The following RCAN2 variants were observed in gnomAD, a reference collection of about 807,000 sequenced individuals.
RCAN2 encodes the protein regulator of calcineurin 2.
Under a neutral mutation model 23.6 loss-of-function variants are expected in RCAN2, and 9 were observed. The ratio of observed to expected loss-of-function variants is 0.38; its 90% CI spans 0.23 to 0.67. The LOEUF (loss-of-function observed/expected upper bound fraction) is 0.67. Ranked by LOEUF, RCAN2 falls within the 30% of genes least tolerant of loss-of-function variation. The pLI, the probability that RCAN2 is intolerant of heterozygous loss-of-function variation, is 0.51. For missense variants in RCAN2, 273 were observed against 302.3 expected (o/e 0.90, Z 0.72); for synonymous variants, 109 against 115.7 (o/e 0.94, Z 0.37).
intron 2 of RCAN2, among the ~76,000 whole-genome samples, chr6:46,396,213 A>C (rs1766083656): frequency 6.6e-6 from 1 of 152,190 alleles, no homozygotes; most frequent in South Asian, 2.1e-4. Flanking sequence ...AATCATTTTT[A>C]TCGACAAGAG....
In RCAN2 at chr6:46,387,342, C is replaced by T. The variant is rs1447323837; in HGVS notation, c.225+69410G>A. Among the ~76,000 whole-genome samples, 4 of 152,108 alleles carry T rather than the reference C, an allele frequency of 2.6e-5. No homozygotes were observed. In the East Asian group the frequency reaches 7.7e-4, roughly 29 times the overall value. ...CCTACAGAATGGGAGAAAATTTTTG[C>T]AATCTACTCATCTGACAAAGGGCTA... On this transcript the variant is annotated intron_variant, in intron 2 of 4. Transcript: ENST00000371374.
At chr6:46,269,133 T>C (rs1481667768) in intron 2 of RCAN2, among the ~76,000 whole-genome samples, 1 of 152,222 alleles carries the variant, frequency 6.6e-6, no homozygotes, top group African/African-American at 2.4e-5. Flanking sequence ...AATTTCTTCC[T>C]CTCCATTGCT....
intron 1 of RCAN2, among the ~76,000 whole-genome samples, chr6:46,474,546 T>G (rs1352365081): frequency 4.6e-5 from 7 of 152,108 alleles, no homozygotes; most frequent in Non-Finnish European, 1.0e-4. Context: ...TAAGCCGCCA[T>G]CAACAAGGTT....
intron 2 of RCAN2, among the ~76,000 whole-genome samples, chr6:46,357,168 A>C (rs1483410676): frequency 2.0e-5 from 3 of 152,134 alleles, no homozygotes; most frequent in Non-Finnish European, 4.4e-5. Flanking sequence ...GGGTAGAAAA[A>C]TTTGTCCCTC....
intron 2 of RCAN2, among the ~76,000 whole-genome samples, chr6:46,284,580 G>A (rs1461069301): frequency 6.6e-6 from 1 of 152,182 alleles, no homozygotes; most frequent in Non-Finnish European, 1.5e-5. Context: ...TGCAGCAAAG[G>A]AGAAACTGAC....
In RCAN2 at chr6:46,233,717, A is replaced by ATTT. The variant is rs1562095035; in HGVS notation, c.572-10417_572-10416insAAA. On this transcript the variant is annotated intron_variant, in intron 4 of 4. Coordinates refer to ENST00000371374, the MANE Select transcript of RCAN2 (RefSeq NM_001251974.2). ...TTTTTCCCTGGCTGAGATGAAGAAC[A>ATTT]CTTCTTTTTTTTTTTTTTTTTTCTT... Among the ~76,000 whole-genome samples the ATTT allele has an allele frequency of 9.6e-5, 12 of 125,470 alleles. No individual in the cohort carries two copies. The South Asian group carries it at 1.1e-3, about 12-fold the overall frequency. The allele number at this position is 125,470 out of a possible 152,430, so 82.3% of individuals were successfully genotyped here.
At chr6:46,342,002 T>C (rs1464237687) in intron 2 of RCAN2, among the ~76,000 whole-genome samples, 1 of 126,306 alleles carries the variant, frequency 7.9e-6, no homozygotes, top group Non-Finnish European at 1.8e-5. Context: ...ACTGCTTAGA[T>C]TGGGATTTGG....
At position 46,361,006 on chromosome 6, in the gene RCAN2, G is replaced by T. The variant is rs115793597; in HGVS notation, c.225+95746C>A. On this transcript the variant is annotated intron_variant, in intron 2 of 4. Transcript: ENST00000371374. ...CAGAAAAACCATTCAATTAATCACA[G>T]CAATAGTGTTTTATGTCTAAACATC... Among the ~76,000 whole-genome samples, 1,459 of 152,284 alleles carry T rather than the reference G, an allele frequency of 9.6e-3. 21 individuals are homozygous for T. Among genetic ancestry groups the T allele is most frequent in the African/African-American group, 0.033 (1,378 of 41,546 alleles).
chr6:46,325,760 C>G, intron 2 of RCAN2: 1 of 1,212,650 alleles, frequency 8.2e-7, no homozygotes, highest in Non-Finnish European at 1.0e-6. Context: ...CCTTTTATCT[C>G]TAGGCAGTGC....
chr6:46,419,775 C>G (rs1035757935), intron 2 of RCAN2, among the ~76,000 whole-genome samples: 2 of 152,150 alleles, frequency 1.3e-5, no homozygotes, highest in Non-Finnish European at 2.9e-5. Flanking sequence ...GAAAGCCTCA[C>G]GTCTTCAAAC....
At chr6:46,486,305 A>C (rs983313893) in intron 1 of RCAN2, among the ~76,000 whole-genome samples, 50 of 152,206 alleles carry the variant, frequency 3.3e-4, no homozygotes, top group African/African-American at 1.1e-3. Context: ...AAATGAGATA[A>C]CGTATGTAGC....
intron 2 of RCAN2, among the ~76,000 whole-genome samples, chr6:46,338,966 G>A (rs1176111559): frequency 7.8e-6 from 1 of 128,744 alleles, no homozygotes; most frequent in Non-Finnish European, 1.6e-5. Flanking sequence ...AGTGAGCCAA[G>A]CTCATGCCAC....
intron 4 of RCAN2, among the ~76,000 whole-genome samples, chr6:46,237,782 G>A (rs1167149502): frequency 6.6e-6 from 1 of 152,176 alleles, no homozygotes; most frequent in Non-Finnish European, 1.5e-5. Context: ...CTTTGCTCTT[G>A]CAGAATGCTC....
intron 2 of RCAN2, among the ~76,000 whole-genome samples, chr6:46,385,054 C>T (rs1353069069): frequency 2.0e-5 from 3 of 152,168 alleles, no homozygotes; most frequent in Non-Finnish European, 4.4e-5. Flanking sequence ...ATTATACTTA[C>T]TCTGTTTACT....
chr6:46,355,288 C>A (rs541668496), intron 2 of RCAN2, among the ~76,000 whole-genome samples: 2 of 152,262 alleles, frequency 1.3e-5, no homozygotes, highest in Admixed American at 6.5e-5. Flanking sequence ...TCTCTTCCCC[C>A]ATAGGAAGAT....
At chr6:46,286,340 C>A (rs1225431288) in intron 2 of RCAN2, among the ~76,000 whole-genome samples, 1 of 152,140 alleles carries the variant, frequency 6.6e-6, no homozygotes, top group Non-Finnish European at 1.5e-5. Flanking sequence ...TGGCAATTTG[C>A]AAATTGTTCT....
At chr6:46,289,819 A>AC (rs947594726) in intron 2 of RCAN2, among the ~76,000 whole-genome samples, 1 of 152,238 alleles carries the variant, frequency 6.6e-6, no homozygotes, top group African/African-American at 2.4e-5. Context: ...ACCAGGGAAC[A>AC]CAGCTGCTCA....
At chr6:46,385,587 T>G (rs534794934) in intron 2 of RCAN2, among the ~76,000 whole-genome samples, 6 of 152,238 alleles carry the variant, frequency 3.9e-5, no homozygotes, top group African/African-American at 1.4e-4. Flanking sequence ...CTGGGCACAG[T>G]GGCTCATGCC....
chr6:46,266,369 A>G (rs4711844), intron 2 of RCAN2, among the ~76,000 whole-genome samples: 119,177 of 152,110 alleles, frequency 0.78, 47,020 homozygotes, highest in Non-Finnish European at 0.83. Context: ...GATTATTATC[A>G]TGTTATCTGC....
Sources: allele counts gnomAD v4.1 joint callset (sites outside exome capture counted in the v4.1 genomes callset), GRCh38; gene constraint gnomAD v4.1.1; transcripts MANE v1.5; gene names NCBI Gene and HGNC (gene_info 2026-07-23, HGNC 2026-07-21).